The following FBXL7 variants were observed in gnomAD, a reference collection of about 807,000 sequenced individuals.
The protein encoded by FBXL7 is F-box and leucine rich repeat protein 7, also known as F-box/LRR-repeat protein 7.
FBXL7 carries 12 observed loss-of-function variants against 38.3 expected under a neutral mutation model. The ratio of observed to expected loss-of-function variants is 0.31; its 90% CI spans 0.20 to 0.51. The LOEUF (loss-of-function observed/expected upper bound fraction) is 0.51, where lower values mean the gene tolerates loss of function less well. FBXL7 is among the 20% of genes least tolerant of loss of function. The pLI is 0.98. For synonymous variants in FBXL7, 297 were observed against 300.9 expected, an observed-to-expected ratio of 0.99 and a Z score of 0.13; for missense variants, 567 against 676.4, an observed-to-expected ratio of 0.84 and a Z score of 1.79.
At chr5:15,870,244 T>TA (rs1224325381) in intron 2 of FBXL7, among the ~76,000 whole-genome samples, 1 of 152,018 alleles carries the variant, frequency 6.6e-6, no homozygotes, top group Non-Finnish European at 1.5e-5. Context: ...GGGTTGAGTT[T>TA]AAAATCATAA....
chr5:15,819,609 T>C (rs1276721380), intron 2 of FBXL7, among the ~76,000 whole-genome samples: 2 of 152,200 alleles, frequency 1.3e-5, no homozygotes, highest in African/African-American at 4.8e-5. Flanking sequence ...AAAGTGTTTC[T>C]AGTAAAAGAC....
Position 15,936,665 on chromosome 5 carries a change from C to T in FBXL7, c.955C>T (p.Leu319=). The change falls in exon 4 of 4, where the codon CTG becomes TTG. Residue 319 remains leucine, a synonymous_variant. Transcript: ENST00000504595. This position sits in a 1 kb window ranked among gnomAD's most constrained non-coding sequence, Gnocchi z 6.0. The part of the protein sequence containing the change: ...VRLTDEGLRY[L]VIYCASIKEL... ...CCTGACCGACGAAGGCCTGCGCTAC[C>T]TGGTGATCTACTGCGCCTCCATCAA... The T allele has an allele frequency of 6.2e-7, 1 of 1,608,522 alleles. No homozygotes were observed. Among genetic ancestry groups the T allele is most frequent in the Non-Finnish European group, 8.5e-7 (1 of 1,179,712 alleles).
chr5:15,607,705 A>T (rs556105984), intron 1 of FBXL7, among the ~76,000 whole-genome samples: 7 of 152,340 alleles, frequency 4.6e-5, no homozygotes, highest in Admixed American at 3.3e-4. Flanking sequence ...AACATTGCTG[A>T]GTTAATAGTG....
intron 2 of FBXL7, among the ~76,000 whole-genome samples, chr5:15,866,955 G>A (rs1480303820): frequency 6.6e-6 from 1 of 151,934 alleles, no homozygotes; most frequent in East Asian, 1.9e-4. Flanking sequence ...ACCAACTTTT[G>A]TCCCTGTCTA....
At chr5:15,532,764 C>T (rs113297106) in intron 1 of FBXL7, among the ~76,000 whole-genome samples, 5,248 of 152,226 alleles carry the variant, frequency 0.034, 218 homozygotes, top group African/African-American at 0.1. Context: ...GAGGAAAATC[C>T]GAGTTAAAGA....
At chr5:15,603,849 G>T (rs558187906) in intron 1 of FBXL7, among the ~76,000 whole-genome samples, 1 of 152,136 alleles carries the variant, frequency 6.6e-6, no homozygotes, top group Non-Finnish European at 1.5e-5. Context: ...TTAAGAGGAC[G>T]TGTGGGGCCA....
chr5:15,837,743 T>C (rs1458146834), intron 2 of FBXL7, among the ~76,000 whole-genome samples: 2 of 152,114 alleles, frequency 1.3e-5, no homozygotes, highest in African/African-American at 2.4e-5. Flanking sequence ...TCAAAGACCA[T>C]GAACATAGTG....
chr5:15,817,697 C>T (rs1351249362), intron 2 of FBXL7, among the ~76,000 whole-genome samples: 1 of 152,110 alleles, frequency 6.6e-6, no homozygotes, highest in Non-Finnish European at 1.5e-5. Context: ...CTGCACAAGC[C>T]CTCTTGCCTG....
At chr5:15,721,967 T>C (rs920893679) in intron 2 of FBXL7, among the ~76,000 whole-genome samples, 9 of 152,176 alleles carry the variant, frequency 5.9e-5, no homozygotes, top group Non-Finnish European at 1.3e-4. Flanking sequence ...CCTGAGTAGC[T>C]GGGACTACAG....
At chr5:15,857,740 A>G (rs760608384) in intron 2 of FBXL7, among the ~76,000 whole-genome samples, 2 of 152,350 alleles carry the variant, frequency 1.3e-5, no homozygotes, top group Middle Eastern at 3.4e-3. Context: ...ATCAGAAAAC[A>G]TATTTGAGCT....
Position 15,917,702 on chromosome 5 carries a change from AAAGG to A in FBXL7, c.128-10174_128-10171del, listed in dbSNP as rs374864814. Among the ~76,000 whole-genome samples the A allele has an allele frequency of 2.3e-3, 287 of 123,250 alleles. 1 individual carries two copies. The highest frequency in any genetic ancestry group is 7.4e-3 in the African/African-American group (261 of 35,036). 80.9% of individuals were successfully genotyped at this position (123,250 alleles called of 152,430 possible). ...GGAAGGAAGGAAGGAAGGAAGAAAGAAAGGAAGGAAGGAAGGACGATGCTAGCGA... is the reference window on the plus strand; with the variant it reads ...GGAAGGAAGGAAGGAAGGAAGAAAGAAAGGAAGGAAGGACGATGCTAGCGA... On this transcript the variant is annotated intron_variant, in intron 2 of 3. Coordinates refer to ENST00000504595, the MANE Select transcript of FBXL7 (RefSeq NM_012304.5).
chr5:15,896,553 C>T (rs1741108654), intron 2 of FBXL7, among the ~76,000 whole-genome samples: 1 of 152,150 alleles, frequency 6.6e-6, no homozygotes, highest in Admixed American at 6.5e-5. Context: ...GCCACCAGTT[C>T]TCCAGCTGGA....
At chr5:15,844,039 C>T (rs960493817) in intron 2 of FBXL7, among the ~76,000 whole-genome samples, 3 of 151,864 alleles carry the variant, frequency 2.0e-5, no homozygotes, top group Non-Finnish European at 4.4e-5. Flanking sequence ...ATCTTCATTC[C>T]TTTGATGCAT....
chr5:15,838,990 G>C (rs1303060360), intron 2 of FBXL7, among the ~76,000 whole-genome samples: 1 of 151,874 alleles, frequency 6.6e-6, no homozygotes, highest in Non-Finnish European at 1.5e-5. Flanking sequence ...GGTTTTGCTT[G>C]TTTGTTTTTA....
chr5:15,844,341 C>T (rs1014760710), intron 2 of FBXL7, among the ~76,000 whole-genome samples: 4 of 152,164 alleles, frequency 2.6e-5, no homozygotes, highest in Non-Finnish European at 5.9e-5. Flanking sequence ...AGAGATGCCC[C>T]CCGTGAAAAC....
chr5:15,829,538 A>T (rs1035268558), intron 2 of FBXL7, among the ~76,000 whole-genome samples: 2 of 152,206 alleles, frequency 1.3e-5, no homozygotes, highest in African/African-American at 4.8e-5. Flanking sequence ...AATGAAACAG[A>T]CTTTTTTTCC....
At chr5:15,698,796 CTTAAATGACGCTTAG>C (rs1428470461) in intron 2 of FBXL7, among the ~76,000 whole-genome samples, 1 of 152,146 alleles carries the variant, frequency 6.6e-6, no homozygotes, top group Non-Finnish European at 1.5e-5. Flanking sequence ...CAAAGGATAG[CTTAAATGACGCTTAG>C]TTAACTCCGA....
At chr5:15,566,005 T>C (rs1251733276) in intron 1 of FBXL7, among the ~76,000 whole-genome samples, 1 of 152,014 alleles carries the variant, frequency 6.6e-6, no homozygotes, top group Non-Finnish European at 1.5e-5. Context: ...TGACATAAAA[T>C]GAATCATCAC....
chr5:15,712,581 TAGTA>T (rs1015882303), intron 2 of FBXL7, among the ~76,000 whole-genome samples: 21 of 152,104 alleles, frequency 1.4e-4, no homozygotes, highest in African/African-American at 1.9e-4. Flanking sequence ...ATGTTTTTCT[TAGTA>T]AGAGCTCCAA....
Sources: gnomAD v4.1 joint callset for allele counts (sites outside exome capture counted in the v4.1 genomes callset) on GRCh38, gnomAD v4.1.1 for gene constraint, Gnocchi (gnomAD v3.1) non-coding constraint, MANE v1.5 for transcripts, NCBI Gene and HGNC (gene_info 2026-07-23, HGNC 2026-07-21) for gene names.